Variants in TPRG1 observed in about 807,000 individuals in gnomAD.
The protein encoded by TPRG1 is tumor protein p63 regulated 1, also known as tumor protein p63-regulated gene 1 protein.
A neutral mutation model predicts 29.3 loss-of-function variants in TPRG1; 29 were observed. That is an observed-to-expected ratio of 0.99 (90% CI 0.74 to 1.35). TPRG1 has a LOEUF of 1.35. Ranked by LOEUF, TPRG1 falls within the 40% of genes most tolerant of loss-of-function variation. The pLI, the probability that TPRG1 is intolerant of heterozygous loss-of-function variation, is 0.00. For synonymous variants in TPRG1, 130 were observed against 116.8 expected, an observed-to-expected ratio of 1.11 and a Z score of -0.73; for missense variants, 327 against 335.0, an observed-to-expected ratio of 0.98 and a Z score of 0.19.
chr3:189,234,723 G>C (rs188077138), intron 3 of TPRG1, among the ~76,000 whole-genome samples: 1 of 152,198 alleles, frequency 6.6e-6, no homozygotes, highest in African/African-American at 2.4e-5. Context: ...GAGACACAAG[G>C]CTAAGAACTG....
chr3:189,046,049 C>A (rs757879009), intron 4 of TPRG1, among the ~76,000 whole-genome samples: 5 of 152,166 alleles, frequency 3.3e-5, no homozygotes, highest in Non-Finnish European at 5.9e-5. Flanking sequence ...AGAGGCAAAG[C>A]TGTTGCTCCT....
intron 3 of TPRG1, among the ~76,000 whole-genome samples, chr3:189,141,948 A>G (rs17419402): frequency 0.16 from 23,683 of 152,130 alleles, 1,932 homozygotes; most frequent in South Asian, 0.2. Flanking sequence ...GAGACCTGAG[A>G]GATAAATTGC....
intron 1 of TPRG1, among the ~76,000 whole-genome samples, chr3:189,179,838 C>T (rs761940908): frequency 1.3e-5 from 2 of 152,200 alleles, no homozygotes; most frequent in Non-Finnish European, 2.9e-5. Flanking sequence ...AAGTTCAAGA[C>T]ATTCTTATAT....
chr3:189,152,696 G>A (rs1156557564), intron 5 of TPRG1, among the ~76,000 whole-genome samples: 1 of 150,956 alleles, frequency 6.6e-6, no homozygotes, highest in Admixed American at 6.6e-5. Flanking sequence ...TTAAAAAGTA[G>A]GATTGCTACC....
chr3:189,050,200 G>A (rs1171191247), intron 4 of TPRG1, among the ~76,000 whole-genome samples: 2 of 152,002 alleles, frequency 1.3e-5, no homozygotes, highest in African/African-American at 4.8e-5. Context: ...AAGATTAACC[G>A]AGAAAAGAAG....
intron 3 of TPRG1, among the ~76,000 whole-genome samples, chr3:189,132,940 G>C (rs1355576184): frequency 6.6e-6 from 1 of 152,112 alleles, no homozygotes; most frequent in African/African-American, 2.4e-5. Flanking sequence ...TAATCAACAT[G>C]AGGACCTTCT....
intron 4 of TPRG1, among the ~76,000 whole-genome samples, chr3:189,067,919 G>T (rs1214299260): frequency 6.6e-6 from 1 of 152,114 alleles, no homozygotes; most frequent in Non-Finnish European, 1.5e-5. Flanking sequence ...AATCTATCTG[G>T]CTGACAAGGG....
At chr3:189,258,945 C>A (rs894211383) in intron 4 of TPRG1, among the ~76,000 whole-genome samples, 2 of 152,164 alleles carry the variant, frequency 1.3e-5, no homozygotes, top group African/African-American at 4.8e-5. Context: ...GGGCTCCATG[C>A]GGGTGGGATC....
At chr3:189,092,133 AT>A (rs1397965218) in intron 4 of TPRG1, among the ~76,000 whole-genome samples, 1 of 152,186 alleles carries the variant, frequency 6.6e-6, no homozygotes, top group Non-Finnish European at 1.5e-5. Context: ...AGAGATATCT[AT>A]TTCTACTTTG....
chr3:189,218,719 A>G (rs1736477901), intron 3 of TPRG1, among the ~76,000 whole-genome samples: 1 of 152,224 alleles, frequency 6.6e-6, no homozygotes, highest in African/African-American at 2.4e-5. Flanking sequence ...AAGTGCCCAA[A>G]TGAAGAACAT....
rs1217624119 is a variant in TPRG1 at position 189,321,148 on chromosome 3, T to TC, written c.*328_*329insC. 6.7e-6 allele frequency: 1 copy of TC among 148,864 alleles called. No homozygotes were observed. Among genetic ancestry groups the TC allele is most frequent in the African/African-American group, 2.5e-5 (1 of 40,172 alleles). The allele number at this position is 148,864 out of a possible 1,614,324, so 9.2% of individuals were successfully genotyped here. A position where few individuals can be genotyped will look rare whatever the true frequency, so the allele number is the denominator to read the frequency against. On this transcript the variant is annotated 3_prime_UTR_variant, in exon 6 of 6. Transcript: ENST00000345063. ...TGCTTCAGCTCTCTAAATGTAGGCT[T>TC]TTTTTTTTTTTTTTTTTTAGGTCTT...
chr3:189,136,963 T>A (rs1189835076), intron 3 of TPRG1, among the ~76,000 whole-genome samples: 8 of 152,102 alleles, frequency 5.3e-5, no homozygotes, highest in Non-Finnish European at 1.0e-4. Context: ...TGGAGACAAT[T>A]TTTAAAAAAA....
intron 1 of TPRG1, among the ~76,000 whole-genome samples, chr3:189,191,352 C>A (rs536194385): frequency 5.8e-4 from 89 of 152,318 alleles, no homozygotes; most frequent in Middle Eastern, 3.4e-3. Flanking sequence ...ATCTGAATGT[C>A]ATTTTTAAAA....
chr3:189,097,345 A>G (rs1346643652), upstream of TPRG1, among the ~76,000 whole-genome samples: 4 of 152,214 alleles, frequency 2.6e-5, no homozygotes, highest in African/African-American at 9.7e-5. Context: ...CACTTTGTTC[A>G]TTACTGAAAA....
At chr3:189,270,195 A>G (rs528685010) in intron 4 of TPRG1, among the ~76,000 whole-genome samples, 40 of 145,548 alleles carry the variant, frequency 2.7e-4, no homozygotes, top group African/African-American at 4.8e-4. Flanking sequence ...TGAAGAGAGA[A>G]AAAAAAAAAA....
intron 1 of TPRG1, among the ~76,000 whole-genome samples, chr3:189,191,254 C>T (rs1578742975): frequency 1.3e-5 from 2 of 152,264 alleles, no homozygotes; most frequent in East Asian, 1.9e-4. Context: ...TATCTAACTG[C>T]CTTCAGCAAG....
At chr3:189,183,888 C>A (rs139935099) in intron 1 of TPRG1, among the ~76,000 whole-genome samples, 10 of 150,964 alleles carry the variant, frequency 6.6e-5, no homozygotes, top group African/African-American at 2.4e-4. Context: ...CCTCGGCTTA[C>A]GAGATGACAG....
chr3:189,226,842 C>A (rs1280020975), intron 3 of TPRG1, among the ~76,000 whole-genome samples: 1 of 148,168 alleles, frequency 6.7e-6, no homozygotes, highest in Admixed American at 6.7e-5. Context: ...ACACAAGTTA[C>A]CAATATCAGG....
Position 189,320,650 on chromosome 3 carries a change from G to A in TPRG1, c.658G>A (p.Val220Ile). 6.2e-7 allele frequency: 1 copy of A among 1,610,736 alleles called. No individual in the cohort carries two copies. Among genetic ancestry groups the A allele is most frequent in the South Asian group, 1.1e-5 (1 of 90,528 alleles). Residue 220 changes from valine to isoleucine, a missense_variant, in exon 6 of 6, where the codon GTT (valine) becomes ATT (isoleucine). Physicochemically the swap from Val to Ile is conservative, Grantham distance 29 (BLOSUM62 3). Coordinates refer to ENST00000345063, the MANE Select transcript of TPRG1 (RefSeq NM_198485.4). ...CKLSGFMSKLVPAIQNAHKNS... is the reference protein window; with the variant it reads ...CKLSGFMSKLIPAIQNAHKNS... ...GTTGTCTGGGTTCATGTCTAAGCTTGTTCCAGCTATCCAGAATGCCCACAA... is the reference window on the plus strand; with the variant it reads ...GTTGTCTGGGTTCATGTCTAAGCTTATTCCAGCTATCCAGAATGCCCACAA...
Sources: gnomAD v4.1 joint callset for allele counts (sites outside exome capture counted in the v4.1 genomes callset) on GRCh38, gnomAD v4.1.1 for gene constraint, MANE v1.5 for transcripts, NCBI Gene and HGNC (gene_info 2026-07-23, HGNC 2026-07-21) for gene names.